The following GATA3 variants were observed in gnomAD, a reference collection of about 807,000 sequenced individuals.
GATA3 encodes the protein GATA binding protein 3, also known as trans-acting T-cell-specific transcription factor GATA-3.
A neutral mutation model predicts 36.0 loss-of-function variants in GATA3; 6 were observed. That is an observed-to-expected ratio of 0.17 (90% CI 0.09 to 0.33). The LOEUF (loss-of-function observed/expected upper bound fraction) is 0.33. Among genes scored for constraint, GATA3 ranks in the 10% least tolerant of loss-of-function variants. The probability of loss-of-function intolerance (pLI) is 1.00; values close to 1 mark genes in which losing one functional copy is unlikely to be tolerated. For synonymous variants in GATA3, 326 were observed against 273.0 expected (o/e 1.19, Z -1.92); for missense variants, 514 against 610.1 (o/e 0.84, Z 1.66).
Position 8,068,222 on chromosome 10 carries a change from A to G in GATA3, c.925-1251A>G, listed in dbSNP as rs114027914. On this transcript the variant is annotated intron_variant, in intron 4 of 5. Coordinates refer to ENST00000379328, the MANE Select transcript of GATA3 (RefSeq NM_001002295.2). ...ATGAGGGCAGTAACACAACCAAGGA[A>G]TCAAAATTCAGGTTGAGGCTGACCT... Among the ~76,000 whole-genome samples, 973 of 152,328 alleles carry G rather than the reference A, an allele frequency of 6.4e-3. 8 individuals carry two copies. The highest frequency in any genetic ancestry group is 0.022 in the African/African-American group (903 of 41,584).
upstream of GATA3, among the ~76,000 whole-genome samples, chr10:8,051,985 C>T (rs1249699900): frequency 6.6e-6 from 1 of 152,206 alleles, no homozygotes; most frequent in African/African-American, 2.4e-5. Context: ...TTTCCCTTCC[C>T]CGCTGCCCTG....
In GATA3 at chr10:8,055,207, C is replaced by T. The variant is rs1436571879; in HGVS notation, c.-369-80C>T. 7.5e-6 allele frequency: 2 copies of T among 266,572 alleles called. No homozygotes were observed. The highest frequency in any genetic ancestry group is 2.3e-5 in the African/African-American group (1 of 44,436). The allele number at this position is 266,572 out of a possible 1,614,324, so 16.5% of individuals were successfully genotyped here. On this transcript the variant is annotated intron_variant, in intron 1 of 5. Coordinates refer to ENST00000379328, the MANE Select transcript of GATA3 (RefSeq NM_001002295.2). The surrounding 1 kb of genome is among the most constrained non-coding windows in gnomAD (Gnocchi z 5.4). ...CCGTGCGGGTCTCGGGTGCGCTGGG[C>T]GGGCGGGCGGCGCGAGGGGAGGTTG...
Position 8,055,919 on chromosome 10 carries a change from G to T in GATA3, c.241+23G>T. The T allele has an allele frequency of 6.4e-7, 1 of 1,550,662 alleles. No homozygotes were observed. The highest frequency in any genetic ancestry group is 8.7e-7 in the Non-Finnish European group (1 of 1,146,916). ...ACGGTGAGTGCGCCCGGGGTGCCGG[G>T]GCTCCCGCCGGCCGCTTCAGCCGTC... On this transcript the variant is annotated intron_variant, in intron 2 of 5. Coordinates refer to ENST00000379328, the MANE Select transcript of GATA3 (RefSeq NM_001002295.2). The surrounding 1 kb of genome is among the most constrained non-coding windows in gnomAD (Gnocchi z 5.4).
intron 4 of GATA3, among the ~76,000 whole-genome samples, chr10:8,065,290 C>T (rs538160192): frequency 3.9e-5 from 5 of 127,516 alleles, no homozygotes; most frequent in African/African-American, 1.5e-4. Flanking sequence ...CAGAGTCTCA[C>T]TCTGTCACCC....
At chr10:8,053,945 A>G (rs2131477090), upstream of GATA3, among the ~76,000 whole-genome samples, 1 of 152,240 alleles carries the variant, frequency 6.6e-6, no homozygotes, top group East Asian at 1.9e-4. The surrounding 1 kb of genome is among the most constrained non-coding windows in gnomAD (Gnocchi z 5.1). Flanking sequence ...AGTCAAAAGC[A>G]CACATTGATT....
At chr10:8,048,888 A>T (rs1832425135), upstream of GATA3, among the ~76,000 whole-genome samples, 1 of 151,898 alleles carries the variant, frequency 6.6e-6, no homozygotes, top group South Asian at 2.1e-4. Context: ...TCAACCGGGG[A>T]AAAGGTGGTA....
chr10:8,065,594 T>G (rs1450441733), intron 4 of GATA3, among the ~76,000 whole-genome samples: 1 of 152,018 alleles, frequency 6.6e-6, no homozygotes, highest in Non-Finnish European at 1.5e-5. Flanking sequence ...AATGTCCACA[T>G]GACTTTAATC....
intron 3 of GATA3, among the ~76,000 whole-genome samples, chr10:8,060,754 T>C (rs1232441168): frequency 1.3e-5 from 2 of 152,130 alleles, no homozygotes; most frequent in Non-Finnish European, 2.9e-5. Context: ...TTTCTTTCCA[T>C]AAGACTCTGA....
Position 8,058,818 on chromosome 10 carries a change from G to T in GATA3, c.755G>T (p.Arg252Met). 6.2e-7 allele frequency: 1 copy of T among 1,605,292 alleles called. No individual in the cohort carries two copies. ...GSPTGFGCKSRPKARSSTEGR... is the reference protein window; with the variant it reads ...GSPTGFGCKSMPKARSSTEGR... ...CCCACCGGCTTCGGATGCAAGTCCA[G>T]GCCCAAGGCCCGGTCCAGCACAGGT... The change falls in exon 3 of 6, where the codon AGG becomes ATG. Residue 252 changes from arginine to methionine, a missense_variant. Arg to Met is a moderately conservative substitution (Grantham distance 91, BLOSUM62 -1). Transcript: ENST00000379328.
intron 3 of GATA3, among the ~76,000 whole-genome samples, chr10:8,059,239 AAAC>A (rs1453139582): frequency 4.6e-5 from 7 of 152,324 alleles, no homozygotes; most frequent in African/African-American, 1.7e-4. Flanking sequence ...CCTCAAGCCT[AAAC>A]AAACACAGGT....
At chr10:8,058,910 C>T (rs1588379005) in intron 3 of GATA3, 69 bp downstream of exon 3, 1 of 1,445,774 alleles carries the variant, frequency 6.9e-7, no homozygotes, top group East Asian at 2.3e-5. Flanking sequence ...CAGGGCCGCA[C>T]CCAGAGGGAC....
At chr10:8,063,134 C>A (rs3802602) in intron 3 of GATA3, among the ~76,000 whole-genome samples, 4,677 of 152,250 alleles carry the variant, frequency 0.031, 171 homozygotes, top group African/African-American at 0.09. Context: ...GCCTTGGTTA[C>A]TGAGCAGCCA....
chr10:8,058,588 G>T lies in GATA3; in HGVS notation c.525G>T (p.Ser175=), dbSNP rs764256467. ...TGTCCACCCCAGGCTCGGCCGGCTC[G>T]GCCCGGCAGGACGAGAAAGAGTGCC... ...PSLSTPGSAG[S]ARQDEKECLK... The change falls in exon 3 of 6, where the codon TCG becomes TCT. Residue 175 remains serine (S), a synonymous_variant. Coordinates refer to ENST00000379328, the MANE Select transcript of GATA3 (RefSeq NM_001002295.2). The T allele has an allele frequency of 1.2e-5, 20 of 1,611,658 alleles. No homozygotes were observed. In the South Asian group the frequency reaches 1.8e-4, roughly 14 times the overall value.
intron 3 of GATA3, among the ~76,000 whole-genome samples, chr10:8,061,318 C>T (rs1832745147): frequency 6.6e-6 from 1 of 152,186 alleles, no homozygotes; most frequent in Non-Finnish European, 1.5e-5. Context: ...TCCAGTTGGG[C>T]ATCTCCCTCC....
chr10:8,069,169 G>T (rs1043308553), intron 4 of GATA3, among the ~76,000 whole-genome samples: 1 of 152,156 alleles, frequency 6.6e-6, no homozygotes, highest in African/African-American at 2.4e-5. Flanking sequence ...TACTTTGTGG[G>T]TTGAGGGTAG....
chr10:8,062,290 G>C (rs1832761704), intron 3 of GATA3, among the ~76,000 whole-genome samples: 1 of 151,630 alleles, frequency 6.6e-6, no homozygotes, highest in Non-Finnish European at 1.5e-5. Context: ...CACAGCAAAG[G>C]CTCTCTGGGG....
chr10:8,047,980 C>T (rs1832412988), intron 1 of GATA3, among the ~76,000 whole-genome samples: 1 of 152,090 alleles, frequency 6.6e-6, no homozygotes, highest in Admixed American at 6.5e-5. Flanking sequence ...CTTTTAAAAG[C>T]GCGCCTCTAC....
intron 4 of GATA3, among the ~76,000 whole-genome samples, chr10:8,065,700 G>GTTTTTTTTTTTT (rs748515966): frequency 1.1e-4 from 7 of 62,294 alleles, no homozygotes; most frequent in Non-Finnish European, 1.4e-4. Context: ...CAGCAGTTTG[G>GTTTTTTTTTTTT]TTTTTTTTTT....
intron 1 of GATA3, among the ~76,000 whole-genome samples, chr10:8,047,955 C>T (rs1176144071): frequency 6.6e-6 from 1 of 152,046 alleles, no homozygotes; most frequent in African/African-American, 2.4e-5. Flanking sequence ...CAAAGGAAGA[C>T]AAGAACGGTT....
Sources: gnomAD v4.1 joint callset for allele counts (sites outside exome capture counted in the v4.1 genomes callset) on GRCh38, gnomAD v4.1.1 for gene constraint, Gnocchi (gnomAD v3.1) non-coding constraint, MANE v1.5 for transcripts, NCBI Gene and HGNC (gene_info 2026-07-23, HGNC 2026-07-21) for gene names.